Variants in PKD2 observed in about 807,000 individuals in gnomAD.
The protein encoded by PKD2 is polycystin-2.
Under a neutral mutation model 105.9 loss-of-function variants are expected in PKD2, and 48 were observed. The ratio of observed to expected loss-of-function variants is 0.45; its 90% CI spans 0.36 to 0.58. The LOEUF is 0.58. Ranked by LOEUF, PKD2 falls within the 20% of genes least tolerant of loss-of-function variation. PKD2 has a pLI of 0.00. For synonymous variants in PKD2, 464 were observed against 481.1 expected (o/e 0.96, Z 0.46); for missense variants, 1,078 against 1,255.3 (o/e 0.86, Z 2.13).
chr4:88,022,790 A>C (rs1275925861), intron 2 of PKD2, among the ~76,000 whole-genome samples: 2 of 152,206 alleles, frequency 1.3e-5, no homozygotes, highest in Non-Finnish European at 2.9e-5. Flanking sequence ...AATTTATAAA[A>C]AAAGAGGTTT....
In PKD2 at chr4:88,046,596, A is replaced by G. The variant is rs761548665; in HGVS notation, c.1320-46A>G. 12 of 1,104,990 alleles carry G rather than the reference A, an allele frequency of 1.1e-5. 1 individual carries two copies. The highest frequency in any genetic ancestry group is 1.5e-5 in the Non-Finnish European group (11 of 715,822). 68.4% of individuals were successfully genotyped at this position (1,104,990 alleles called of 1,614,324 possible). A position where few individuals can be genotyped will look rare whatever the true frequency, so the allele number is the denominator to read the frequency against. The stretch of plus-strand genomic sequence containing the variant: ...TGGACATCCATTCCTGGCTGTATTC[A>G]TGTGTTGTTGTTGTTATTGTTTTAA... On this transcript the variant is annotated intron_variant, in intron 5 of 14. Transcript: ENST00000237596.
chr4:88,072,775 C>T (rs555212406), intron 13 of PKD2, among the ~76,000 whole-genome samples: 10 of 152,142 alleles, frequency 6.6e-5, no homozygotes, highest in South Asian at 4.2e-4. Context: ...CAGTGGCTCA[C>T]GCCTGTAATC....
At position 88,030,241 on chromosome 4, in the gene PKD2, C is replaced by T. The variant is rs188249344; in HGVS notation, c.710-5979C>T. On this transcript the variant is annotated intron_variant, in intron 2 of 14. Coordinates refer to ENST00000237596, the MANE Select transcript of PKD2 (RefSeq NM_000297.4). The stretch of plus-strand genomic sequence containing the variant: ...AACACAGCTCACTGCAGCTTGGGGG[C>T]TCAAGAGATCCTCCTGCCTCAGCCT... Among the ~76,000 whole-genome samples, 816 of 152,172 alleles carry T rather than the reference C, an allele frequency of 5.4e-3. 5 individuals carry two copies. The highest frequency in any genetic ancestry group is 0.018 in the African/African-American group (759 of 41,524).
chr4:88,055,114 C>G (rs1163464568), intron 7 of PKD2, among the ~76,000 whole-genome samples: 1 of 152,192 alleles, frequency 6.6e-6, no homozygotes, highest in African/African-American at 2.4e-5. Context: ...TATCTACCAA[C>G]ATGCTCAATA....
At chr4:88,025,335 G>A (rs757752235) in intron 2 of PKD2, among the ~76,000 whole-genome samples, 34 of 152,230 alleles carry the variant, frequency 2.2e-4, no homozygotes, top group South Asian at 1.5e-3. Flanking sequence ...ACGCACACCT[G>A]TAGTCCCAAT....
intron 5 of PKD2, among the ~76,000 whole-genome samples, chr4:88,043,664 G>A (rs185306566): frequency 6.6e-6 from 1 of 152,286 alleles, no homozygotes; most frequent in East Asian, 1.9e-4. Flanking sequence ...AATATTACGA[G>A]TTGGAAAGAA....
At chr4:88,058,213 G>A in intron 9 of PKD2, 110 bp downstream of exon 9, 1 of 725,450 alleles carries the variant, frequency 1.4e-6, no homozygotes, top group African/African-American at 1.8e-5. Context: ...GACCCAGGAA[G>A]TAGAAAAAAG....
At chr4:88,037,341 T>C (rs1727374023) in intron 3 of PKD2, among the ~76,000 whole-genome samples, 1 of 152,194 alleles carries the variant, frequency 6.6e-6, no homozygotes, top group Non-Finnish European at 1.5e-5. Flanking sequence ...AATTCCAACG[T>C]AGTTAACAGT....
chr4:88,044,341 ACAT>A (rs112800947), intron 5 of PKD2, among the ~76,000 whole-genome samples: 12,891 of 152,220 alleles, frequency 0.085, 689 homozygotes, highest in East Asian at 0.25. Flanking sequence ...AACATCACTA[ACAT>A]GGATTATTGC....
intron 6 of PKD2, among the ~76,000 whole-genome samples, chr4:88,048,250 A>G (rs560096389): frequency 6.6e-6 from 1 of 152,310 alleles, no homozygotes; most frequent in East Asian, 1.9e-4. Flanking sequence ...CTCTTCTGTT[A>G]GCCCTCCTTA....
intron 6 of PKD2, among the ~76,000 whole-genome samples, chr4:88,048,912 T>C (rs1227078936): frequency 6.6e-6 from 1 of 152,210 alleles, no homozygotes; most frequent in Non-Finnish European, 1.5e-5. Context: ...GCCATATACA[T>C]TGACAATTAT....
At chr4:88,072,137 C>T (rs1410035448) in intron 13 of PKD2, among the ~76,000 whole-genome samples, 2 of 152,058 alleles carry the variant, frequency 1.3e-5, no homozygotes, top group African/African-American at 2.4e-5. Flanking sequence ...TGCACGCCAC[C>T]ATGCCTGGTT....
chr4:88,023,281 A>AG (rs1322987725), intron 2 of PKD2, among the ~76,000 whole-genome samples: 1 of 152,140 alleles, frequency 6.6e-6, no homozygotes, highest in Non-Finnish European at 1.5e-5. Flanking sequence ...ATGTGGCAAA[A>AG]GCAGGAGCAA....
At chr4:88,031,244 G>A (rs560616225) in intron 2 of PKD2, among the ~76,000 whole-genome samples, 1 of 152,342 alleles carries the variant, frequency 6.6e-6, no homozygotes, top group South Asian at 2.1e-4. Flanking sequence ...AGGCTAAGCT[G>A]TGTTGCTCAT....
At chr4:88,050,042 T>C (rs750205155) in intron 6 of PKD2, among the ~76,000 whole-genome samples, 6 of 146,262 alleles carry the variant, frequency 4.1e-5, no homozygotes, top group Non-Finnish European at 9.0e-5. Flanking sequence ...TGGCACCATC[T>C]CGGCTCACTG....
chr4:88,053,306 T>C (rs1720183524), intron 7 of PKD2, among the ~76,000 whole-genome samples: 1 of 152,158 alleles, frequency 6.6e-6, no homozygotes, highest in Non-Finnish European at 1.5e-5. Context: ...GGAAGGTACT[T>C]ACCCGTTATG....
chr4:88,050,144 T>C (rs1720003075), intron 6 of PKD2, among the ~76,000 whole-genome samples: 1 of 152,038 alleles, frequency 6.6e-6, no homozygotes, highest in South Asian at 2.1e-4. Flanking sequence ...CCAGCTAATT[T>C]TTTGTATTTT....
At chr4:88,008,991 A>G (rs980007144) in intron 1 of PKD2, among the ~76,000 whole-genome samples, 10 of 152,246 alleles carry the variant, frequency 6.6e-5, no homozygotes, top group African/African-American at 2.4e-4. Context: ...GTTGCAAAGG[A>G]AAGATTACAT....
chr4:88,008,251 C>T lies in PKD2; in HGVS notation c.518C>T (p.Pro173Leu), dbSNP rs775329795. The T allele has an allele frequency of 1.6e-5, 24 of 1,461,606 alleles. No individual in the cohort carries two copies. The African/African-American group carries it at 2.6e-4, about 16-fold the overall frequency. 90.5% of individuals were successfully genotyped at this position (1,461,606 alleles called of 1,614,324 possible). A position where few individuals can be genotyped will look rare whatever the true frequency, so the allele number is the denominator to read the frequency against. ...CCCAGCCCAGTCGGCGGCGGGGACC[C>T]GCTGCATCGCCACCTCCCCCTGGAA... Reference protein sequence around the residue: ...PCPSPVGGGDPLHRHLPLEGQ... With the variant: ...PCPSPVGGGDLLHRHLPLEGQ... The change falls in exon 1 of 15, where the codon CCG (proline) becomes CTG (leucine). Residue 173 changes from proline to leucine, a missense_variant. Transcript: ENST00000237596.
Sources: gnomAD v4.1 joint callset for allele counts (sites outside exome capture counted in the v4.1 genomes callset) on GRCh38, gnomAD v4.1.1 for gene constraint, MANE v1.5 for transcripts, NCBI Gene and HGNC (gene_info 2026-07-23, HGNC 2026-07-21) for gene names.